CRISPLD2: variants seen among roughly 807,000 people sequenced by gnomAD.
The protein encoded by CRISPLD2 is cysteine rich secretory protein LCCL domain containing 2, also known as cysteine-rich secretory protein LCCL domain-containing 2.
In CRISPLD2, 47 loss-of-function variants were observed where a neutral mutation model predicts 71.1. The ratio of observed to expected loss-of-function variants is 0.66; its 90% CI spans 0.52 to 0.84. The LOEUF is 0.84. Among genes scored for constraint, CRISPLD2 ranks in the 40% least tolerant of loss-of-function variants. The probability of loss-of-function intolerance (pLI) is 0.00; values close to 1 mark genes in which losing one functional copy is unlikely to be tolerated. For missense variants in CRISPLD2, 830 were observed against 651.1 expected (o/e 1.27, Z -2.99); for synonymous variants, 317 against 250.1 (o/e 1.27, Z -2.52).
intron 14 of CRISPLD2, among the ~76,000 whole-genome samples, chr16:84,904,235 A>G (rs2071780888): frequency 6.6e-6 from 1 of 152,190 alleles, no homozygotes; most frequent in Admixed American, 6.5e-5. Context: ...AACATCCTAT[A>G]CAGCGACAGT....
chr16:84,890,814 CCAAA>C (rs2071655263), intron 14 of CRISPLD2, among the ~76,000 whole-genome samples: 1 of 152,114 alleles, frequency 6.6e-6, no homozygotes, highest in Admixed American at 6.5e-5. Flanking sequence ...GAAAAAAAGA[CCAAA>C]CAAAGTCCCT....
At chr16:84,838,323 A>G (rs1916676529) in intron 1 of CRISPLD2, 99 bp from the exon 2 acceptor site, 1 of 749,318 alleles carries the variant, frequency 1.3e-6, no homozygotes, top group Non-Finnish European at 2.2e-6. Flanking sequence ...GCATCTGTAA[A>G]ATGGAGAGAG....
chr16:84,869,405 T>C (rs1462127093), intron 8 of CRISPLD2, among the ~76,000 whole-genome samples: 1 of 152,240 alleles, frequency 6.6e-6, no homozygotes, highest in African/African-American at 2.4e-5. Context: ...AATTCTGGCA[T>C]CAGTTTGCCG....
At chr16:84,894,677 A>G (rs191512155) in intron 14 of CRISPLD2, among the ~76,000 whole-genome samples, 1 of 152,356 alleles carries the variant, frequency 6.6e-6, no homozygotes, top group East Asian at 1.9e-4. Flanking sequence ...TACTTATCCC[A>G]ATATATCCAT....
chr16:84,850,941 A>T (rs941893966), intron 5 of CRISPLD2, among the ~76,000 whole-genome samples: 1 of 152,166 alleles, frequency 6.6e-6, no homozygotes, highest in African/African-American at 2.4e-5. Flanking sequence ...CATCTCCCCA[A>T]GCACAAGGAA....
At chr16:84,900,224 CAA>C (rs1381761665) in intron 14 of CRISPLD2, among the ~76,000 whole-genome samples, 1 of 151,944 alleles carries the variant, frequency 6.6e-6, no homozygotes, top group African/African-American at 2.4e-5. Flanking sequence ...CCAGGGTAGC[CAA>C]AAGTGTGAAG....
intron 3 of CRISPLD2, 186 bp downstream of exon 3, chr16:84,846,090 C>T (rs1204598504): frequency 2.0e-6 from 1 of 494,186 alleles, no homozygotes; most frequent in Non-Finnish European, 3.6e-6. Flanking sequence ...AAAATGTATT[C>T]AAGCTTGGTT....
At chr16:84,850,737 C>T (rs1279142028) in intron 5 of CRISPLD2, 54 bp downstream of exon 5, 11 of 1,376,992 alleles carry the variant, frequency 8.0e-6, no homozygotes, top group Admixed American at 1.7e-5. Context: ...TGTTTGCTTG[C>T]CAGGGAGCAC....
intron 3 of CRISPLD2, among the ~76,000 whole-genome samples, chr16:84,846,532 G>A (rs1034909602): frequency 1.3e-5 from 2 of 152,152 alleles, no homozygotes; most frequent in South Asian, 2.1e-4. Context: ...GGGATTACAG[G>A]CATGAGCCAC....
chr16:84,863,323 C>G (rs1917440938), intron 6 of CRISPLD2, among the ~76,000 whole-genome samples: 1 of 152,206 alleles, frequency 6.6e-6, no homozygotes, highest in Non-Finnish European at 1.5e-5. Context: ...ATCCAACTTT[C>G]CTTGGCAGAC....
chr16:84,872,923 G>T, intron 9 of CRISPLD2, 69 bp from the exon 10 acceptor site: 1 of 1,539,424 alleles, frequency 6.5e-7, no homozygotes, highest in East Asian at 2.3e-5. Flanking sequence ...AAATGTTTGG[G>T]TATTTCTGGT....
Position 84,880,545 on chromosome 16 carries a change from C to G in CRISPLD2, c.1266C>G (p.Ser422=), listed in dbSNP as rs375014898. 1 of 1,613,778 alleles carries G rather than the reference C, an allele frequency of 6.2e-7. No individual in the cohort carries two copies. The highest frequency in any genetic ancestry group is 8.5e-7 in the Non-Finnish European group (1 of 1,179,870). The change falls in exon 13 of 15, where the codon TCC becomes TCG. Residue 422 remains serine (S), a synonymous_variant. Coordinates refer to ENST00000262424, the MANE Select transcript of CRISPLD2 (RefSeq NM_031476.4). ...HCPAHCKDEP[S]YWAPVFGTNI... is the part of the protein sequence containing the mutation. The stretch of plus-strand genomic sequence containing the variant: ...CGGCACACTGCAAAGACGAACCTTC[C>G]TACTGGGCTCCGGTGTTTGGAACCA...
At chr16:84,902,406 G>A (rs2071763183) in intron 14 of CRISPLD2, among the ~76,000 whole-genome samples, 1 of 151,560 alleles carries the variant, frequency 6.6e-6, no homozygotes, top group Non-Finnish European at 1.5e-5. Flanking sequence ...TCAGGACATC[G>A]AGACTATCCT....
At chr16:84,883,539 G>A (rs905094820) in intron 13 of CRISPLD2, among the ~76,000 whole-genome samples, 1 of 152,166 alleles carries the variant, frequency 6.6e-6, no homozygotes. Flanking sequence ...TCACACTTGT[G>A]CACATATCAG....
intron 5 of CRISPLD2, among the ~76,000 whole-genome samples, chr16:84,851,174 G>C (rs4783091): frequency 0.11 from 16,966 of 152,188 alleles, 1,049 homozygotes; most frequent in Admixed American, 0.18. Flanking sequence ...ATTTTTCTCT[G>C]AAAACATGCA....
Position 84,889,350 on chromosome 16 carries a change from G to A in CRISPLD2, c.1426G>A (p.Val476Ile), listed in dbSNP as rs753967824. The stretch of plus-strand genomic sequence containing the variant: ...CTACGTGGGCTCGCTCAGGAATGGA[G>A]TTCAGTCTGAAAGGTAGGGTGGTGT... ...KTYVGSLRNG[V>I]QSESLGTPRD... is the part of the protein sequence containing the mutation. The change falls in exon 14 of 15, where the codon GTT becomes ATT. Residue 476 changes from valine (V) to isoleucine (I), a missense_variant. Transcript: ENST00000262424. 6 of 1,612,874 alleles carry A rather than the reference G, an allele frequency of 3.7e-6. No individual in the cohort carries two copies. The highest frequency in any genetic ancestry group is 1.1e-5 in the South Asian group (1 of 90,908).
chr16:84,851,261 G>A (rs551032894), intron 5 of CRISPLD2, among the ~76,000 whole-genome samples: 7 of 152,296 alleles, frequency 4.6e-5, no homozygotes, highest in South Asian at 2.1e-4. Flanking sequence ...GTCCACATGC[G>A]GCCTCCTGAT....
Position 84,868,878 on chromosome 16 carries a change from TGAA to T in CRISPLD2, c.883_885del (p.Lys295del). 6.2e-7 allele frequency: 1 copy of T among 1,610,992 alleles called. No individual in the cohort carries two copies. The highest frequency in any genetic ancestry group is 8.5e-7 in the Non-Finnish European group (1 of 1,178,722). On this transcript the variant is annotated inframe_deletion, in exon 8 of 15. Transcript: ENST00000262424. ...CAAGTCGTCAGATGTGACACCAAGA[TGAA>T]GGACAGGTGCAAAGGGTCCACGTGT...
chr16:84,857,239 C>T (rs1395825268), intron 6 of CRISPLD2, among the ~76,000 whole-genome samples: 3 of 152,216 alleles, frequency 2.0e-5, no homozygotes, highest in Non-Finnish European at 4.4e-5. Context: ...TGTTCATGGG[C>T]CCATTGGGCG....
Sources: allele counts gnomAD v4.1 joint callset (sites outside exome capture counted in the v4.1 genomes callset), GRCh38; gene constraint gnomAD v4.1.1; transcripts MANE v1.5; gene names NCBI Gene and HGNC (gene_info 2026-07-23, HGNC 2026-07-21).